The following DACH1 variants were observed in gnomAD, a reference collection of about 807,000 sequenced individuals.
The protein encoded by DACH1 is dachshund homolog 1.
A neutral mutation model predicts 54.2 loss-of-function variants in DACH1; 12 were observed. That is an observed-to-expected ratio of 0.22 (90% CI 0.14 to 0.36). The LOEUF (loss-of-function observed/expected upper bound fraction) is 0.36. Ranked by LOEUF, DACH1 falls within the 10% of genes least tolerant of loss-of-function variation. DACH1 has a pLI of 1.00. For missense variants in DACH1, 805 were observed against 929.8 expected (o/e 0.87, Z 1.75); for synonymous variants, 386 against 366.2 (o/e 1.05, Z -0.62).
At chr13:71,700,380 A>AC (rs1435548871) in intron 1 of DACH1, among the ~76,000 whole-genome samples, 1 of 151,920 alleles carries the variant, frequency 6.6e-6, no homozygotes, top group Admixed American at 6.6e-5. Context: ...ACACGGTGAA[A>AC]CCCCGTCTCC....
intron 7 of DACH1, among the ~76,000 whole-genome samples, chr13:71,482,884 T>C (rs1318847445): frequency 7.1e-6 from 1 of 140,816 alleles, no homozygotes; most frequent in Non-Finnish European, 1.5e-5. Context: ...CACTGCAACC[T>C]CTGCTTCCCA....
At chr13:71,658,442 T>G (rs1275313854) in intron 2 of DACH1, among the ~76,000 whole-genome samples, 1 of 151,966 alleles carries the variant, frequency 6.6e-6, no homozygotes, top group Non-Finnish European at 1.5e-5. Context: ...CCCAGGTACT[T>G]GGCAGGCTGA....
At chr13:71,831,724 A>T (rs2138208622) in intron 1 of DACH1, among the ~76,000 whole-genome samples, 1 of 152,132 alleles carries the variant, frequency 6.6e-6, no homozygotes, top group African/African-American at 2.4e-5. Flanking sequence ...GAGGGATAAC[A>T]TACAGCTATA....
At chr13:71,470,946 G>A (rs955984075) in intron 10 of DACH1, among the ~76,000 whole-genome samples, 2 of 152,182 alleles carry the variant, frequency 1.3e-5, no homozygotes, top group African/African-American at 2.4e-5. Flanking sequence ...GGTGTAGTAA[G>A]AACCTCTAAG....
At chr13:71,594,293 A>C (rs1024447793) in intron 3 of DACH1, among the ~76,000 whole-genome samples, 9 of 152,006 alleles carry the variant, frequency 5.9e-5, no homozygotes, top group African/African-American at 2.2e-4. Context: ...ATTAATTCTT[A>C]ATGTTTAAAG....
chr13:71,726,007 G>T (rs7995251), intron 1 of DACH1, among the ~76,000 whole-genome samples: 3 of 151,938 alleles, frequency 2.0e-5, no homozygotes, highest in Non-Finnish European at 4.4e-5. Flanking sequence ...TGAAAGTTAC[G>T]GACCCCTTTA....
chr13:71,738,393 G>T (rs1168269094), intron 1 of DACH1, among the ~76,000 whole-genome samples: 1 of 151,968 alleles, frequency 6.6e-6, no homozygotes, highest in Non-Finnish European at 1.5e-5. Flanking sequence ...ATAAAATTCA[G>T]GGAAAAAGAG....
intron 1 of DACH1, among the ~76,000 whole-genome samples, chr13:71,762,022 T>C (rs998930673): frequency 2.6e-5 from 4 of 152,298 alleles, no homozygotes; most frequent in Admixed American, 6.5e-5. Flanking sequence ...TATGTATACT[T>C]AATTATTAAC....
rs186185014 is a variant in DACH1, at chr13:71,623,696, G to T, written c.1126+6860C>A. Among the ~76,000 whole-genome samples, 5 of 151,738 alleles carry T rather than the reference G, an allele frequency of 3.3e-5. No individual in the cohort carries two copies. The East Asian group carries it at 7.7e-4, about 23-fold the overall frequency. On this transcript the variant is annotated intron_variant, in intron 3 of 10. Transcript: ENST00000613252. ...ATCAAAGAATTTTAGAGCCAACAGA[G>T]AAATTAGGCAAAAATTCCTTATTTA... is the stretch of plus-strand genomic sequence containing the variant.
intron 1 of DACH1, among the ~76,000 whole-genome samples, chr13:71,859,046 C>G (rs1874185957): frequency 6.6e-6 from 1 of 151,596 alleles, no homozygotes; most frequent in African/African-American, 2.4e-5. Context: ...CTTATAACAA[C>G]AACAAAAAAA....
At chr13:71,453,903 A>G (rs564168131) in intron 10 of DACH1, among the ~76,000 whole-genome samples, 1 of 152,304 alleles carries the variant, frequency 6.6e-6, no homozygotes, top group African/African-American at 2.4e-5. Flanking sequence ...ATCTTACCTA[A>G]TGAAATCATT....
At position 71,778,615 on chromosome 13, in the gene DACH1, T is replaced by A. The variant is rs546422368; in HGVS notation, c.848+87307A>T. Among the ~76,000 whole-genome samples, 13 of 152,202 alleles carry A rather than the reference T, an allele frequency of 8.5e-5. 1 individual carries two copies. In the East Asian group the frequency reaches 2.5e-3, roughly 29 times the overall value. On this transcript the variant is annotated intron_variant, in intron 1 of 10. Transcript: ENST00000613252. Reference sequence around the variant, plus strand: ...TCTTTATAATAGTTTATAAAAAAAATTCTTATAATGAAAGTAAAGAAATAT... The same window carrying A: ...TCTTTATAATAGTTTATAAAAAAAAATCTTATAATGAAAGTAAAGAAATAT...
intron 1 of DACH1, among the ~76,000 whole-genome samples, chr13:71,791,131 A>G (rs1886812082): frequency 6.6e-6 from 1 of 152,206 alleles, no homozygotes; most frequent in Non-Finnish European, 1.5e-5. Context: ...AATTATCAGA[A>G]GCATATTACA....
At chr13:71,444,166 A>G (rs1000973880) in intron 10 of DACH1, among the ~76,000 whole-genome samples, 4 of 152,184 alleles carry the variant, frequency 2.6e-5, no homozygotes, top group Non-Finnish European at 4.4e-5. Context: ...CTTGGCTAAA[A>G]ATTGGACTGT....
chr13:71,641,556 T>C (rs1434508734), intron 2 of DACH1, among the ~76,000 whole-genome samples: 2 of 152,148 alleles, frequency 1.3e-5, no homozygotes, highest in African/African-American at 4.8e-5. Context: ...AAAAGTAGGT[T>C]TGTGTTTGCA....
At chr13:71,447,140 G>C (rs1267108683) in intron 10 of DACH1, among the ~76,000 whole-genome samples, 1 of 152,150 alleles carries the variant, frequency 6.6e-6, no homozygotes, top group Non-Finnish European at 1.5e-5. Context: ...AGTTTATTGT[G>C]CGTGTGAATT....
At chr13:71,457,915 C>T (rs565181406) in intron 10 of DACH1, among the ~76,000 whole-genome samples, 2 of 151,904 alleles carry the variant, frequency 1.3e-5, no homozygotes, top group East Asian at 3.9e-4. Flanking sequence ...CATCACACCC[C>T]ATATTAGTAA....
At chr13:71,743,964 T>C (rs1884505954) in intron 1 of DACH1, among the ~76,000 whole-genome samples, 2 of 152,178 alleles carry the variant, frequency 1.3e-5, no homozygotes, top group Admixed American at 6.5e-5. Flanking sequence ...AACGAAAATA[T>C]AACAAAGGAA....
chr13:71,673,970 CTG>C (rs1880384818), intron 2 of DACH1, among the ~76,000 whole-genome samples: 1 of 152,170 alleles, frequency 6.6e-6, no homozygotes, highest in African/African-American at 2.4e-5. Context: ...TGGAGCCTAA[CTG>C]TGCTTAATGG....
Sources: allele counts gnomAD v4.1 joint callset (sites outside exome capture counted in the v4.1 genomes callset), GRCh38; gene constraint gnomAD v4.1.1; transcripts MANE v1.5; gene names NCBI Gene and HGNC (gene_info 2026-07-23, HGNC 2026-07-21).